Variants in DISC1 observed in about 807,000 individuals in gnomAD.
The protein encoded by DISC1 is DISC1 scaffold protein.
A neutral mutation model predicts 84.5 loss-of-function variants in DISC1; 57 were observed. That is an observed-to-expected ratio of 0.67 (90% CI 0.55 to 0.84). DISC1 has a LOEUF of 0.84. DISC1 is among the 40% of genes least tolerant of loss of function. The pLI, the probability that DISC1 is intolerant of heterozygous loss-of-function variation, is 0.00. For missense variants in DISC1, 1,000 were observed against 1,057.8 expected (o/e 0.95, Z 0.76); for synonymous variants, 411 against 415.2 (o/e 0.99, Z 0.12).
At chr1:231,737,844 C>G (rs889428940) in intron 3 of DISC1, among the ~76,000 whole-genome samples, 1 of 152,108 alleles carries the variant, frequency 6.6e-6, no homozygotes, top group African/African-American at 2.4e-5. Flanking sequence ...CACTTGAGGG[C>G]AAGCTGCAGT....
intron 1 of DISC1, among the ~76,000 whole-genome samples, chr1:231,692,317 A>C (rs563047962): frequency 2.6e-5 from 4 of 152,316 alleles, no homozygotes; most frequent in African/African-American, 9.6e-5. Context: ...TACCCCGGGC[A>C]GCAATAGCCC....
At chr1:231,871,971 G>GT (rs1163340906) in intron 9 of DISC1, among the ~76,000 whole-genome samples, 2 of 152,196 alleles carry the variant, frequency 1.3e-5, no homozygotes, top group African/African-American at 2.4e-5. Context: ...TCCCATCTCT[G>GT]TACCACAGTG....
chr1:231,717,442 A>G (rs868537914), intron 3 of DISC1, among the ~76,000 whole-genome samples: 184 of 152,176 alleles, frequency 1.2e-3, no homozygotes, highest in African/African-American at 4.3e-3. Flanking sequence ...GAGCCTTGCT[A>G]CAGTTTGAAC....
chr1:231,650,485 G>T (rs2060519812), intron 1 of DISC1, among the ~76,000 whole-genome samples: 1 of 152,172 alleles, frequency 6.6e-6, no homozygotes, highest in African/African-American at 2.4e-5. Flanking sequence ...CTCTCTGGCT[G>T]CACTTAACAT....
chr1:231,789,031 G>C (rs994640079), intron 6 of DISC1, among the ~76,000 whole-genome samples: 1 of 152,160 alleles, frequency 6.6e-6, no homozygotes, highest in African/African-American at 2.4e-5. Context: ...TCTTTTTCTA[G>C]TAGTAAAAGG....
chr1:231,694,491 A>G lies in DISC1; in HGVS notation c.733A>G (p.Met245Val). The G allele has an allele frequency of 1.2e-6, 2 of 1,614,226 alleles. No individual in the cohort carries two copies. Among genetic ancestry groups the G allele is most frequent in the South Asian group, 2.2e-5 (2 of 91,084 alleles). Residue 245 changes from methionine (M) to valine (V), a missense_variant, in exon 2 of 13, where the codon ATG becomes GTG. By Grantham distance (21) the Met-to-Val change is conservative. This residue lies in a region of DISC1 where 311 missense variants were observed against 400.1 expected (regional missense o/e 0.78). Transcript: ENST00000439617. ...AESHCQSPQE[M>V]GAKAASLDGP... ...GTCCCATTGCCAGAGCCCCCAGGAG[A>G]TGGGAGCCAAAGCTGCCAGCTTGGA... is the stretch of plus-strand genomic sequence containing the variant.
intron 9 of DISC1, among the ~76,000 whole-genome samples, chr1:231,908,357 G>A (rs1309483825): frequency 6.6e-6 from 1 of 152,128 alleles, no homozygotes; most frequent in Non-Finnish European, 1.5e-5. Context: ...TTTGTATAAG[G>A]TGTAAGGAAA....
At chr1:231,823,107 A>G (rs897711719) in intron 9 of DISC1, among the ~76,000 whole-genome samples, 5 of 152,200 alleles carry the variant, frequency 3.3e-5, no homozygotes, top group African/African-American at 1.2e-4. Flanking sequence ...TCCCAGATGC[A>G]GCTACTTGCA....
chr1:231,733,588 ATGG>A (rs1393221167), intron 3 of DISC1, among the ~76,000 whole-genome samples: 1 of 120,562 alleles, frequency 8.3e-6, no homozygotes, highest in South Asian at 2.8e-4. Context: ...GGTGGGAGTG[ATGG>A]TGGTAGTTGT....
chr1:231,766,102 C>T (rs1302026669), intron 4 of DISC1, among the ~76,000 whole-genome samples: 5 of 151,752 alleles, frequency 3.3e-5, no homozygotes, highest in Non-Finnish European at 7.4e-5. Flanking sequence ...CCAGCCTGGC[C>T]AACATGGTGA....
intron 3 of DISC1, among the ~76,000 whole-genome samples, chr1:231,716,249 G>A (rs2068693831): frequency 1.5e-5 from 2 of 137,024 alleles, no homozygotes; most frequent in South Asian, 4.7e-4. Context: ...AAGATGCAAT[G>A]ATTTGGCTTC....
chr1:231,738,338 A>G (rs530660331), intron 3 of DISC1, among the ~76,000 whole-genome samples: 1 of 152,316 alleles, frequency 6.6e-6, no homozygotes, highest in East Asian at 1.9e-4. Context: ...CACACATTGC[A>G]TGCAGTTGTT....
In DISC1 at chr1:231,694,786, G is replaced by A; in HGVS notation, c.1028G>A (p.Arg343Lys). 1 of 1,613,822 alleles carries A rather than the reference G, an allele frequency of 6.2e-7. No homozygotes were observed. Among genetic ancestry groups the A allele is most frequent in the South Asian group, 1.1e-5 (1 of 91,076 alleles). ...WEPVLRDCLLRNRRQMEVISL... is the reference protein window; with the variant it reads ...WEPVLRDCLLKNRRQMEVISL... ...CCAGTGCTGCGGGACTGCCTGCTGA[G>A]AAACCGGAGGCAGATGGAGGTCAGT... Residue 343 changes from arginine to lysine, a missense_variant, in exon 2 of 13, where the codon AGA (arginine) becomes AAA (lysine). Arg to Lys is a conservative substitution (Grantham distance 26). Transcript: ENST00000439617.
chr1:231,758,410 A>C (rs2075345993), intron 4 of DISC1, among the ~76,000 whole-genome samples: 1 of 151,932 alleles, frequency 6.6e-6, no homozygotes, highest in Non-Finnish European at 1.5e-5. Context: ...CATGTGGGCC[A>C]GGTTTGGATA....
intron 10 of DISC1, among the ~76,000 whole-genome samples, chr1:231,981,478 A>G (rs897469973): frequency 6.6e-6 from 1 of 152,232 alleles, no homozygotes; most frequent in African/African-American, 2.4e-5. Flanking sequence ...CTGATCCTCA[A>G]CTGGGGGCTA....
chr1:231,636,098 C>A (rs201580503), intron 1 of DISC1, among the ~76,000 whole-genome samples: 15 of 152,182 alleles, frequency 9.9e-5, no homozygotes, highest in Non-Finnish European at 1.9e-4. Flanking sequence ...GCTGGGTTTA[C>A]TCCTAGGTAT....
At chr1:231,652,256 A>G (rs748405369) in intron 1 of DISC1, among the ~76,000 whole-genome samples, 9 of 152,352 alleles carry the variant, frequency 5.9e-5, no homozygotes, top group Non-Finnish European at 8.8e-5. Context: ...TACATGAATG[A>G]GAATAACTGT....
chr1:232,010,599 A>C (rs1166143800), intron 11 of DISC1, among the ~76,000 whole-genome samples: 1 of 152,220 alleles, frequency 6.6e-6, no homozygotes, highest in Non-Finnish European at 1.5e-5. Flanking sequence ...GCACCTATAC[A>C]GACAGAGTAA....
rs1415483427 is a variant in DISC1 at position 231,693,947 on chromosome 1, A to G, written c.189A>G (p.Thr63=). ...GGTTCCTTTCCCCAGCAGTGGGCACACTGTTCCGGTTCCCAGGAGGGGTGT... is the reference window on the plus strand; with the variant it reads ...GGTTCCTTTCCCCAGCAGTGGGCACGCTGTTCCGGTTCCCAGGAGGGGTGT... ...GIGFLSPAVG[T]LFRFPGGVSG... is the part of the protein sequence containing the mutation. The change falls in exon 2 of 13, where the codon ACA becomes ACG. Residue 63 remains threonine, a synonymous_variant. Transcript: ENST00000439617. The G allele has an allele frequency of 8.1e-6, 13 of 1,613,954 alleles. No homozygotes were observed. Among genetic ancestry groups the G allele is most frequent in the Non-Finnish European group, 9.3e-6 (11 of 1,180,000 alleles).
Sources: gnomAD v4.1 joint callset for allele counts (sites outside exome capture counted in the v4.1 genomes callset) on GRCh38, gnomAD v4.1.1 for gene constraint, gnomAD v4.1.1 regional missense constraint, MANE v1.5 for transcripts, NCBI Gene and HGNC (gene_info 2026-07-23, HGNC 2026-07-21) for gene names.